EXOC6B: variants seen among roughly 807,000 people sequenced by gnomAD.
EXOC6B encodes SEC15 homolog B.
In EXOC6B, 54 loss-of-function variants were observed where a neutral mutation model predicts 113.5. The observed-to-expected ratio is 0.48, with a 90% CI of 0.38 to 0.60. The LOEUF is 0.60. Among genes scored for constraint, EXOC6B ranks in the 20% least tolerant of loss-of-function variants. EXOC6B has a pLI of 0.00. For synonymous variants in EXOC6B, 357 were observed against 339.0 expected (o/e 1.05, Z -0.58); for missense variants, 797 against 977.5 (o/e 0.82, Z 2.46).
intron 6 of EXOC6B, among the ~76,000 whole-genome samples, chr2:72,661,539 T>A (rs976237562): frequency 1.3e-5 from 2 of 152,016 alleles, no homozygotes; most frequent in Non-Finnish European, 2.9e-5. Context: ...AAATATGAAA[T>A]AATTGATATG....
intron 9 of EXOC6B, 56 bp from the exon 10 acceptor site, chr2:72,514,736 A>G: frequency 8.9e-7 from 1 of 1,119,512 alleles, no homozygotes. Flanking sequence ...CATTAAGACT[A>G]AGTTAAAATC....
chr2:72,224,637 CTTAT>C (rs1028031098), intron 20 of EXOC6B, among the ~76,000 whole-genome samples: 3 of 136,458 alleles, frequency 2.2e-5, no homozygotes, highest in African/African-American at 1.1e-4. Context: ...TATCACTGCT[CTTAT>C]TTATTTGAGA....
chr2:72,187,471 T>C (rs1678513532), intron 20 of EXOC6B, among the ~76,000 whole-genome samples: 1 of 151,908 alleles, frequency 6.6e-6, no homozygotes, highest in South Asian at 2.1e-4. Flanking sequence ...TATTGAGCAA[T>C]AGAACAGCTC....
At chr2:72,524,238 A>T (rs1197962759) in intron 8 of EXOC6B, among the ~76,000 whole-genome samples, 1 of 151,986 alleles carries the variant, frequency 6.6e-6, no homozygotes, top group Non-Finnish European at 1.5e-5. Flanking sequence ...CCCCATAATG[A>T]TGTTCAGCGG....
At chr2:72,187,734 A>G (rs1678533114) in intron 20 of EXOC6B, among the ~76,000 whole-genome samples, 1 of 152,144 alleles carries the variant, frequency 6.6e-6, no homozygotes, top group Admixed American at 6.5e-5. Flanking sequence ...GTCCACAGGC[A>G]GCCAAGTCCC....
chr2:72,772,223 C>A (rs886732143), intron 1 of EXOC6B, among the ~76,000 whole-genome samples: 1 of 152,132 alleles, frequency 6.6e-6, no homozygotes, highest in Non-Finnish European at 1.5e-5. Flanking sequence ...CAGGCCTCCC[C>A]AGTGAATTTT....
chr2:72,447,634 T>C (rs1467887845), intron 18 of EXOC6B, among the ~76,000 whole-genome samples: 1 of 152,214 alleles, frequency 6.6e-6, no homozygotes, highest in Non-Finnish European at 1.5e-5. Context: ...TCAGAAAATG[T>C]ATTTCTATTA....
At chr2:72,530,196 T>C (rs1007346440) in intron 8 of EXOC6B, among the ~76,000 whole-genome samples, 1 of 152,222 alleles carries the variant, frequency 6.6e-6, no homozygotes, top group Non-Finnish European at 1.5e-5. Flanking sequence ...TTTCTTTTCC[T>C]AGGTTTTAGA....
Position 72,718,144 on chromosome 2 carries a change from G to A in EXOC6B, c.628C>T (p.Arg210Cys), listed in dbSNP as rs766653360. The change falls in exon 6 of 22, where the codon CGC becomes TGC. Residue 210 changes from arginine to cysteine, a missense_variant. Coordinates refer to ENST00000272427, the MANE Select transcript of EXOC6B (RefSeq NM_015189.3). ...SDLKDFLESIRKHSDKIGETA... is the reference protein window; with the variant it reads ...SDLKDFLESICKHSDKIGETA... ...TCTCCAATTTTGTCTGAATGTTTGC[G>A]GATGCTCTCCAGAAAGTCTTTGAGA... 2 of 1,613,274 alleles carry A rather than the reference G, an allele frequency of 1.2e-6. No individual in the cohort carries two copies. The highest frequency in any genetic ancestry group is 1.7e-6 in the Non-Finnish European group (2 of 1,179,538).
At chr2:72,449,439 G>A (rs1202791872) in intron 18 of EXOC6B, among the ~76,000 whole-genome samples, 1 of 150,588 alleles carries the variant, frequency 6.6e-6, no homozygotes, top group African/African-American at 2.4e-5. Context: ...CCAAAGTGCT[G>A]GAATTACAAG....
chr2:72,322,964 G>A (rs1687917683), intron 20 of EXOC6B, among the ~76,000 whole-genome samples: 1 of 152,018 alleles, frequency 6.6e-6, no homozygotes, highest in African/African-American at 2.4e-5. Context: ...CAAAAGCAAT[G>A]GCAACAAAAG....
chr2:72,758,403 C>T (rs1682566494), intron 1 of EXOC6B, among the ~76,000 whole-genome samples: 1 of 151,930 alleles, frequency 6.6e-6, no homozygotes, highest in Non-Finnish European at 1.5e-5. Flanking sequence ...AAGTAAGCCA[C>T]TTTCTTTTGC....
chr2:72,275,674 C>T (rs1684769499), intron 20 of EXOC6B, among the ~76,000 whole-genome samples: 1 of 152,206 alleles, frequency 6.6e-6, no homozygotes, highest in Admixed American at 6.5e-5. Flanking sequence ...TGGCCCTGGA[C>T]ATATCCTGAT....
intron 20 of EXOC6B, among the ~76,000 whole-genome samples, chr2:72,218,442 G>A (rs1180226500): frequency 6.6e-6 from 1 of 152,166 alleles, no homozygotes; most frequent in East Asian, 1.9e-4. Context: ...GTGTGCATGT[G>A]TGCATATGTA....
intron 21 of EXOC6B, 61 bp from the exon 22 acceptor site, chr2:72,179,522 C>A: frequency 6.2e-7 from 1 of 1,602,646 alleles, no homozygotes; most frequent in African/African-American, 1.3e-5. Flanking sequence ...GGAAGGAGAA[C>A]CTGCAGGAAG....
chr2:72,492,330 A>G lies in EXOC6B; in HGVS notation c.1653T>C (p.Ile551=), dbSNP rs1157285425. 6.8e-6 allele frequency: 11 copies of G among 1,610,792 alleles called. No individual in the cohort carries two copies. The highest frequency in any genetic ancestry group is 1.3e-5 in the African/African-American group (1 of 74,798). Reference sequence around the variant, plus strand: ...GGAGCAGGTTTACCTCAGTAAGCCCAATATTCTTCCTTTTAATTACATTCT... The same window carrying G: ...GGAGCAGGTTTACCTCAGTAAGCCCGATATTCTTCCTTTTAATTACATTCT... The part of the protein sequence containing the change: ...SLQNVIKRKN[I]GLTELVQIII... Residue 551 remains isoleucine (I), a synonymous_variant, in exon 16 of 22, where the codon ATT becomes ATC. Transcript: ENST00000272427.
intron 20 of EXOC6B, among the ~76,000 whole-genome samples, chr2:72,302,571 C>G (rs1686595913): frequency 1.3e-5 from 2 of 152,094 alleles, no homozygotes; most frequent in African/African-American, 4.8e-5. Context: ...AACCCTTTAC[C>G]ATTGTGTAAT....
intron 18 of EXOC6B, among the ~76,000 whole-genome samples, chr2:72,447,981 C>A (rs908374105): frequency 6.6e-6 from 1 of 152,156 alleles, no homozygotes; most frequent in South Asian, 2.1e-4. Context: ...CATTAAACTG[C>A]AAAATGACTG....
intron 15 of EXOC6B, 43 bp downstream of exon 15, chr2:72,495,387 A>G (rs1699982548): frequency 9.3e-7 from 1 of 1,080,890 alleles, no homozygotes. Context: ...ACATGGAGTC[A>G]CAATCTTAGC....
Sources: gnomAD v4.1 joint callset for allele counts (sites outside exome capture counted in the v4.1 genomes callset) on GRCh38, gnomAD v4.1.1 for gene constraint, MANE v1.5 for transcripts, NCBI Gene and HGNC (gene_info 2026-07-23, HGNC 2026-07-21) for gene names.